The following DMD variants were observed in gnomAD, a reference collection of about 807,000 sequenced individuals.
DMD encodes the protein mutant dystrophin.
A neutral mutation model predicts 330.1 loss-of-function variants in DMD; 63 were observed. The observed-to-expected ratio is 0.19, with a 90% confidence interval of 0.16 to 0.24. The LOEUF is 0.24. DMD is among the 10% of genes least tolerant of loss of function. The pLI, the probability that DMD is intolerant of heterozygous loss-of-function variation, is 1.00. For synonymous variants in DMD, 1,223 were observed against 959.8 expected (o/e 1.27, Z -5.07); for missense variants, 3,344 against 2,684.1 (o/e 1.25, Z -5.43).
At chrX:32,511,752 CAT>C (rs1013457223) in intron 18 of DMD, among the ~76,000 whole-genome samples, 1 of 110,392 alleles carries the variant, frequency 9.1e-6, no homozygotes, top group African/African-American at 3.3e-5. Context: ...AGCTGTTTAT[CAT>C]ATATGTGTCT....
chrX:33,027,356 G>T (rs1415534054), intron 1 of DMD, among the ~76,000 whole-genome samples: 1 of 112,041 alleles, frequency 8.9e-6, no homozygotes, highest in Admixed American at 9.5e-5. Context: ...GAAAAGGCAA[G>T]GAGACAGATT....
chrX:31,982,976 A>G, intron 44 of DMD, among the ~76,000 whole-genome samples: 1 of 87,813 alleles, frequency 1.1e-5, no homozygotes, highest in Non-Finnish European at 2.5e-5. Context: ...TGTTAATGGT[A>G]TTTTTCTACA....
chrX:32,563,471 TTATCTTCATTG>T (rs1458896579), intron 16 of DMD, among the ~76,000 whole-genome samples: 2 of 111,236 alleles, frequency 1.8e-5, no homozygotes, highest in African/African-American at 6.5e-5. Context: ...TGCCTCCATT[TTATCTTCATTG>T]TATCCCTATG....
chrX:31,463,918 T>G (rs1270688391), intron 59 of DMD, among the ~76,000 whole-genome samples: 1 of 111,871 alleles, frequency 8.9e-6, no homozygotes, highest in Non-Finnish European at 1.9e-5. Context: ...TAGGTTTCAA[T>G]CATATCATGA....
chrX:32,613,699 C>A (rs1000043805), intron 12 of DMD, among the ~76,000 whole-genome samples: 3 of 110,316 alleles, frequency 2.7e-5, no homozygotes, highest in Non-Finnish European at 5.7e-5. Flanking sequence ...TCCAGGAAAG[C>A]AAATTTTTAA....
intron 50 of DMD, among the ~76,000 whole-genome samples, chrX:31,786,009 C>G (rs762862888): frequency 4.5e-5 from 5 of 111,838 alleles, no homozygotes; most frequent in Non-Finnish European, 9.4e-5. Context: ...GGTTGTAGAT[C>G]CTTGAGGAAT....
At chrX:31,284,373 T>C (rs1192990761) in intron 62 of DMD, among the ~76,000 whole-genome samples, 1 of 111,064 alleles carries the variant, frequency 9.0e-6, no homozygotes, top group Non-Finnish European at 1.9e-5. Context: ...TCCTTGGTGA[T>C]AGGATCTTCA....
intron 7 of DMD, among the ~76,000 whole-genome samples, chrX:32,800,154 C>G (rs1287802030): frequency 8.9e-6 from 1 of 112,110 alleles, no homozygotes; most frequent in East Asian, 2.8e-4. Flanking sequence ...AGGGGCATAA[C>G]TAATTTAAAA....
chrX:32,148,006 T>C (rs1310308284), intron 44 of DMD, among the ~76,000 whole-genome samples: 4 of 107,312 alleles, frequency 3.7e-5, no homozygotes, highest in Non-Finnish European at 5.8e-5. Flanking sequence ...GCCTCCCGAG[T>C]AGCTGGGACT....
chrX:32,991,743 A>G (rs1414354240), intron 2 of DMD, among the ~76,000 whole-genome samples: 1 of 111,938 alleles, frequency 8.9e-6, no homozygotes, highest in African/African-American at 3.2e-5. Context: ...CAAATGTTTT[A>G]TGACTTAAAA....
intron 54 of DMD, among the ~76,000 whole-genome samples, chrX:31,645,471 G>A (rs926806133): frequency 2.7e-5 from 3 of 112,280 alleles, no homozygotes; most frequent in Admixed American, 9.4e-5. Flanking sequence ...AGAAAAAAAT[G>A]TCTGAATAGA....
intron 44 of DMD, among the ~76,000 whole-genome samples, chrX:31,998,784 T>A (rs1273418968): frequency 8.9e-6 from 1 of 112,180 alleles, no homozygotes; most frequent in East Asian, 2.8e-4. Context: ...TATTGGCACA[T>A]TCAAAGACAT....
intron 2 of DMD, among the ~76,000 whole-genome samples, chrX:32,962,670 G>A (rs1173889697): frequency 1.8e-5 from 2 of 111,532 alleles, no homozygotes; most frequent in African/African-American, 3.3e-5. Flanking sequence ...TAACATCATC[G>A]TTTTATTAAA....
rs143341281 is a variant in DMD at position 31,178,882 on chromosome X, C to G, written c.10087-77G>C. ...CTAATGACCACTCCAGTCTTCTGCC[C>G]CATGACACTTGTTTTGTAATTAAGG... On this transcript the variant is annotated intron_variant, in intron 69 of 78. Coordinates refer to ENST00000357033, the MANE Select transcript of DMD (RefSeq NM_004006.3). 960 of 1,096,797 alleles carry G rather than the reference C, an allele frequency of 8.8e-4. 4 individuals carry two copies. In the African/African-American group the frequency reaches 0.015, roughly 18 times the overall value. The allele number at this position is 1,096,797 out of a possible 1,213,427, so 90.4% of individuals were successfully genotyped here.
In DMD at chrX:31,120,768, C is replaced by T. The variant is rs2032286161; in HGVS notation, c.*1151G>A. ...CTACTGCTTGGGAGTTAAAAAATAC[C>T]TTCTGATGTTCACAAGGTCAGAATA... On this transcript the variant is annotated 3_prime_UTR_variant, in exon 79 of 79. Coordinates refer to ENST00000357033, the MANE Select transcript of DMD (RefSeq NM_004006.3). 9.1e-6 allele frequency: 1 copy of T among 110,273 alleles called. No homozygotes were observed. 9.1% of individuals were successfully genotyped at this position (110,273 alleles called of 1,213,427 possible). A position where few individuals can be genotyped will look rare whatever the true frequency, so the allele number is the denominator to read the frequency against.
chrX:32,916,342 G>C (rs749872911), intron 2 of DMD, among the ~76,000 whole-genome samples: 1 of 111,380 alleles, frequency 9.0e-6, no homozygotes, highest in Non-Finnish European at 1.9e-5. Flanking sequence ...TCTAAATTGA[G>C]TCAGGTGTGA....
At chrX:31,823,519 T>TTA (rs751260163) in intron 49 of DMD, among the ~76,000 whole-genome samples, 3 of 111,522 alleles carry the variant, frequency 2.7e-5, no homozygotes, top group Admixed American at 9.5e-5. Flanking sequence ...ATGGATGACT[T>TTA]TATATATATA....
At chrX:31,428,343 G>A (rs1458929415) in intron 60 of DMD, among the ~76,000 whole-genome samples, 2 of 111,064 alleles carry the variant, frequency 1.8e-5, no homozygotes, top group South Asian at 3.9e-4. Flanking sequence ...CATGTGACAC[G>A]CTGGTTCTCC....
chrX:31,313,764 G>C (rs924700527), intron 62 of DMD, among the ~76,000 whole-genome samples: 10 of 107,762 alleles, frequency 9.3e-5, no homozygotes, highest in Admixed American at 8.9e-4. Context: ...CCCTTTATTA[G>C]AATGACTTGG....
Sources: allele counts gnomAD v4.1 joint callset (sites outside exome capture counted in the v4.1 genomes callset), GRCh38; gene constraint gnomAD v4.1.1; transcripts MANE v1.5; gene names NCBI Gene and HGNC (gene_info 2026-07-23, HGNC 2026-07-21).